PLK4: variants seen among roughly 807,000 people sequenced by gnomAD.
The protein encoded by PLK4 is serine/threonine-protein kinase PLK4.
PLK4 carries 51 observed loss-of-function variants against 103.0 expected under a neutral mutation model. The observed-to-expected ratio is 0.50, with a 90% confidence interval of 0.40 to 0.63. The LOEUF is 0.63. Ranked by LOEUF, PLK4 falls within the 20% of genes least tolerant of loss-of-function variation. The probability of loss-of-function intolerance (pLI) is 0.00; values close to 1 mark genes in which losing one functional copy is unlikely to be tolerated. For missense variants in PLK4, 1,054 were observed against 1,151.0 expected (o/e 0.92, Z 1.22); for synonymous variants, 389 against 376.8 (o/e 1.03, Z -0.38).
At position 127,898,555 on chromosome 4, in the gene PLK4, C is replaced by G; in HGVS notation, c.*14C>G. 2 of 1,162,290 alleles carry G rather than the reference C, an allele frequency of 1.7e-6. No homozygotes were observed. Among genetic ancestry groups the G allele is most frequent in the Non-Finnish European group, 2.5e-6 (2 of 785,958 alleles). 72.0% of individuals were successfully genotyped at this position (1,162,290 alleles called of 1,614,324 possible). A position where few individuals can be genotyped will look rare whatever the true frequency, so the allele number is the denominator to read the frequency against. ...AATTTTCATTGATTAAAACTCCTTT[C>G]AGACATATAAGTTTAATAAATAACT... On this transcript the variant is annotated 3_prime_UTR_variant, in exon 16 of 16. Transcript: ENST00000270861.
rs1228906785 is a variant in PLK4 at position 127,889,910 on chromosome 4, C to G, written c.1504C>G (p.Arg502Gly). 1.9e-6 allele frequency: 3 copies of G among 1,612,358 alleles called. No homozygotes were observed. The highest frequency in any genetic ancestry group is 2.5e-6 in the Non-Finnish European group (3 of 1,179,202). Reference sequence around the variant, plus strand: ...TGAATATGACAGCATCAGCCCAAACCGGGACTTCCAGGGCCATCCAGATTT... The same window carrying G: ...TGAATATGACAGCATCAGCCCAAACGGGGACTTCCAGGGCCATCCAGATTT... ...TTEYDSISPN[R>G]DFQGHPDLQK... The change falls in exon 7 of 16, where the codon CGG (arginine) becomes GGG (glycine). Residue 502 changes from arginine to glycine, a missense_variant. By Grantham distance (125) the Arg-to-Gly change is moderately radical. Around this residue, in one of 4 missense-constraint regions of PLK4, gnomAD observed 680 missense variants for 660.3 expected, o/e 1.03. Coordinates refer to ENST00000270861, the MANE Select transcript of PLK4 (RefSeq NM_014264.5).
chr4:127,884,766 G>A (rs957452767), intron 4 of PLK4, among the ~76,000 whole-genome samples: 3 of 151,996 alleles, frequency 2.0e-5, no homozygotes, highest in Non-Finnish European at 2.9e-5. Context: ...GTGAAACCCC[G>A]TCTCTACTAA....
At position 127,892,496 on chromosome 4, in the gene PLK4, G is replaced by A. The variant is rs757485393; in HGVS notation, c.2170G>A (p.Glu724Lys). 1 of 1,607,704 alleles carries A rather than the reference G, an allele frequency of 6.2e-7. No homozygotes were observed. Among genetic ancestry groups the A allele is most frequent in the Non-Finnish European group, 8.5e-7 (1 of 1,177,252 alleles). The change falls in exon 10 of 16, where the codon GAG becomes AAG. Residue 724 changes from glutamate to lysine, a missense_variant. Transcript: ENST00000270861. The stretch of plus-strand genomic sequence containing the variant: ...GGAGAATTCTCCTGGTGCTGATTTT[G>A]AGGTTTGGTTTTATGATGGTAAGTA... ...LMENSPGADF[E>K]VWFYDGVKIH...
chr4:127,892,448 A>C lies in PLK4; in HGVS notation c.2122A>C (p.Arg708=). The C allele has an allele frequency of 6.3e-7, 1 of 1,598,062 alleles. No individual in the cohort carries two copies. Among genetic ancestry groups the C allele is most frequent in the South Asian group, 1.1e-5 (1 of 89,104 alleles). The part of the protein sequence containing the change: ...SKSPKITYFT[R]YAKCILMENS... Reference sequence around the variant, plus strand: ...ATCTCCCAAAATCACTTATTTTACAAGATATGCTAAATGCATTTTGATGGA... The same window carrying C: ...ATCTCCCAAAATCACTTATTTTACACGATATGCTAAATGCATTTTGATGGA... The change falls in exon 10 of 16, where the codon AGA becomes CGA. Residue 708 remains arginine, a synonymous_variant. Coordinates refer to ENST00000270861, the MANE Select transcript of PLK4 (RefSeq NM_014264.5).
rs192110930 is a variant in PLK4 at position 127,894,375 on chromosome 4, C to T, written c.2562+494C>T. 2.9e-3 allele frequency among the ~76,000 whole-genome samples: 434 copies of T among 152,034 alleles called. 3 individuals are homozygous for T. Among genetic ancestry groups the T allele is most frequent in the African/African-American group, 9.8e-3 (407 of 41,492 alleles). On this transcript the variant is annotated intron_variant, in intron 13 of 15. Transcript: ENST00000270861. ...CCGAGTAGCTGGGACTACAGGCGAC[C>T]GCCACCATGCCTGGCTAATTTTTTT...
chr4:127,896,968 T>G, intron 15 of PLK4, 61 bp downstream of exon 15: 1 of 818,826 alleles, frequency 1.2e-6, no homozygotes. Flanking sequence ...TTTCTCTATA[T>G]GTTGAAATGG....
intron 4 of PLK4, among the ~76,000 whole-genome samples, chr4:127,883,924 A>T (rs553409811): frequency 1.1e-4 from 17 of 152,324 alleles, no homozygotes; most frequent in African/African-American, 3.1e-4. Context: ...AGAAAACATG[A>T]AACATACAGG....
At chr4:127,892,671 TATTAATCAAA>T (rs1735407375) in intron 10 of PLK4, 157 bp downstream of exon 10, 2 of 533,808 alleles carry the variant, frequency 3.7e-6, no homozygotes, top group Non-Finnish European at 3.2e-6. Context: ...TGTCAAATCA[TATTAATCAAA>T]ATTTATCTAG....
chr4:127,887,531 A>T (rs768583776), intron 6 of PLK4, 35 bp downstream of exon 6: 10 of 1,192,350 alleles, frequency 8.4e-6, no homozygotes, highest in African/African-American at 1.5e-5. Context: ...TCAAGAATTA[A>T]TTACTTGGAA....
In PLK4 at chr4:127,889,798, G is replaced by A. The variant is rs1381623786; in HGVS notation, c.1460-68G>A. On this transcript the variant is annotated intron_variant, in intron 6 of 15. Transcript: ENST00000270861. The stretch of plus-strand genomic sequence containing the variant: ...CAAAAAATGCTATTACAATCAGAGT[G>A]ACGTTATTTTGTGTCGACTTGTGTT... 6.2e-6 allele frequency: 7 copies of A among 1,129,368 alleles called. No homozygotes were observed. The African/African-American group carries it at 9.3e-5, about 15-fold the overall frequency. 70.0% of individuals were successfully genotyped at this position (1,129,368 alleles called of 1,614,324 possible). A position where few individuals can be genotyped will look rare whatever the true frequency, so the allele number is the denominator to read the frequency against.
intron 6 of PLK4, among the ~76,000 whole-genome samples, chr4:127,888,411 G>C (rs1018759038): frequency 1.3e-5 from 2 of 152,096 alleles, no homozygotes; most frequent in African/African-American, 2.4e-5. Context: ...CCATTCAGCA[G>C]AGGAGCCAGG....
chr4:127,882,526 G>A (rs750670019), intron 2 of PLK4, among the ~76,000 whole-genome samples: 1 of 152,132 alleles, frequency 6.6e-6, no homozygotes, highest in African/African-American at 2.4e-5. Context: ...TTGGGAGGCC[G>A]AGGCGGGTGG....
At position 127,893,401 on chromosome 4, in the gene PLK4, A is replaced by C. The variant is rs368298070; in HGVS notation, c.2305A>C (p.Met769Leu). 5 of 1,608,594 alleles carry C rather than the reference A, an allele frequency of 3.1e-6. No individual in the cohort carries two copies. In the African/African-American group the frequency reaches 6.7e-5, roughly 22 times the overall value. ...CTTGAAAGAGGAGATAAAAATGTAT[A>C]TGGACCATGCTAATGAGGTACATAC... ...NSLKEEIKMYMDHANEGHRIC... is the reference protein window; with the variant it reads ...NSLKEEIKMYLDHANEGHRIC... Residue 769 changes from methionine (M) to leucine (L), a missense_variant, in exon 11 of 16, where the codon ATG (methionine) becomes CTG (leucine). Met to Leu is a conservative substitution (Grantham distance 15). Transcript: ENST00000270861.
rs761926937 is a variant in PLK4 at position 127,898,636 on chromosome 4, A to G, written c.*95A>G. 4.6e-6 allele frequency: 3 copies of G among 652,226 alleles called. No individual in the cohort carries two copies. The highest frequency in any genetic ancestry group is 8.1e-6 in the Non-Finnish European group (3 of 371,068). 40.4% of individuals were successfully genotyped at this position (652,226 alleles called of 1,614,324 possible). A position where few individuals can be genotyped will look rare whatever the true frequency, so the allele number is the denominator to read the frequency against. ...TTTTAATTTAACATAAAGTCTTCAG[A>G]AAGCCTTTCTATGAAAGAATTTTAA... is the stretch of plus-strand genomic sequence containing the variant. On this transcript the variant is annotated 3_prime_UTR_variant, in exon 16 of 16. Transcript: ENST00000270861.
In PLK4 at chr4:127,886,277, A is replaced by G. The variant is rs1479553470; in HGVS notation, c.907A>G (p.Ser303Gly). 1 of 1,613,870 alleles carries G rather than the reference A, an allele frequency of 6.2e-7. No homozygotes were observed. ...TACAGCTTCTTCCAGTACCAGTATAAGTGGTAGTTTATTTGACAAAAGAAG... is the reference window on the plus strand; with the variant it reads ...TACAGCTTCTTCCAGTACCAGTATAGGTGGTAGTTTATTTGACAAAAGAAG... Reference protein sequence around the residue: ...AITASSSTSISGSLFDKRRLL... With the variant: ...AITASSSTSIGGSLFDKRRLL... The change falls in exon 5 of 16, where the codon AGT becomes GGT. Residue 303 changes from serine (S) to glycine (G), a missense_variant. Physicochemically the swap from Ser to Gly is moderately conservative, Grantham distance 56. This residue lies in a region of PLK4 where 680 missense variants were observed against 660.3 expected (regional missense o/e 1.03). Coordinates refer to ENST00000270861, the MANE Select transcript of PLK4 (RefSeq NM_014264.5).
rs780987331 is a variant in PLK4, at chr4:127,895,047, A to G, written c.2657A>G (p.Gln886Arg). 6.2e-7 allele frequency: 1 copy of G among 1,612,742 alleles called. No homozygotes were observed. The highest frequency in any genetic ancestry group is 1.7e-5 in the Admixed American group (1 of 59,822). The change falls in exon 14 of 16, where the codon CAA becomes CGA. Residue 886 changes from glutamine (Q) to arginine (R), a missense_variant. Physicochemically the swap from Gln to Arg is conservative, Grantham distance 43 (BLOSUM62 1). Coordinates refer to ENST00000270861, the MANE Select transcript of PLK4 (RefSeq NM_014264.5). Reference protein sequence around the residue: ...SLKDCLPKSAQLLKSVFVKNV... With the variant: ...SLKDCLPKSARLLKSVFVKNV... ...AAAGATTGTCTTCCTAAATCAGCAC[A>G]ACTTTTGAAATCTGTTTTTGTGAAA...
At chr4:127,884,919 A>G (rs1381953635) in intron 4 of PLK4, among the ~76,000 whole-genome samples, 1 of 151,536 alleles carries the variant, frequency 6.6e-6, no homozygotes, top group Non-Finnish European at 1.5e-5. Flanking sequence ...CAGCCTGGTG[A>G]CAGATCAAGA....
chr4:127,882,713 G>A (rs1047450046), intron 2 of PLK4, among the ~76,000 whole-genome samples: 2 of 151,980 alleles, frequency 1.3e-5, no homozygotes, highest in Admixed American at 6.6e-5. Context: ...AGCTGAGATC[G>A]CGCCATTGCA....
chr4:127,892,715 A>G, intron 10 of PLK4: 1 of 447,066 alleles, frequency 2.2e-6, no homozygotes, highest in Non-Finnish European at 4.0e-6. Context: ...AATTTATCCT[A>G]TAATATGTAT....
Sources: allele counts gnomAD v4.1 joint callset (sites outside exome capture counted in the v4.1 genomes callset), GRCh38; gene constraint gnomAD v4.1.1; regional missense constraint gnomAD v4.1.1; transcripts MANE v1.5; gene names NCBI Gene and HGNC (gene_info 2026-07-23, HGNC 2026-07-21).